The following ZFPM1 variants were observed in gnomAD, a reference collection of about 807,000 sequenced individuals.
ZFPM1 encodes zinc finger protein ZFPM1.
ZFPM1 carries 28 observed loss-of-function variants against 46.3 expected under a neutral mutation model. That is an observed-to-expected ratio of 0.60 (90% CI 0.45 to 0.83). The LOEUF (loss-of-function observed/expected upper bound fraction) is 0.83. Among genes scored for constraint, ZFPM1 ranks in the 40% least tolerant of loss-of-function variants. ZFPM1 has a pLI of 0.00. For missense variants in ZFPM1, 1,878 were observed against 1,432.4 expected (o/e 1.31, Z -5.02); for synonymous variants, 957 against 675.9 (o/e 1.42, Z -6.45).
At chr16:88,490,655 C>G (rs1030808555) in intron 3 of ZFPM1, among the ~76,000 whole-genome samples, 5 of 152,186 alleles carry the variant, frequency 3.3e-5, no homozygotes, top group African/African-American at 1.2e-4. Context: ...GCTGCCCCTT[C>G]CCACAACAGG....
chr16:88,481,257 C>G (rs1908922937), intron 1 of ZFPM1, among the ~76,000 whole-genome samples: 1 of 152,312 alleles, frequency 6.6e-6, no homozygotes, highest in East Asian at 1.9e-4. Flanking sequence ...CAGGTGCAGC[C>G]TTGGCCACTG....
chr16:88,456,140 C>T (rs1468202585), intron 1 of ZFPM1, among the ~76,000 whole-genome samples: 3 of 152,234 alleles, frequency 2.0e-5, no homozygotes, highest in Admixed American at 6.5e-5. Flanking sequence ...TCCCCAAACA[C>T]ACTTAATTGC....
At chr16:88,504,599 G>A (rs1597258254) in intron 3 of ZFPM1, among the ~76,000 whole-genome samples, 1 of 152,328 alleles carries the variant, frequency 6.6e-6, no homozygotes, top group African/African-American at 2.4e-5. Flanking sequence ...TGGAGAAAGA[G>A]CACCTCGCTG....
At chr16:88,532,972 G>A (rs751038582) in intron 9 of ZFPM1, 37 bp downstream of exon 9, 6 of 1,610,384 alleles carry the variant, frequency 3.7e-6, no homozygotes, top group Non-Finnish European at 4.2e-6. Context: ...TGCCCCTTAG[G>A]CCCCCTGAGC....
intron 1 of ZFPM1, among the ~76,000 whole-genome samples, chr16:88,464,855 G>A (rs1908061740): frequency 6.6e-6 from 1 of 152,106 alleles, no homozygotes; most frequent in South Asian, 2.1e-4. Flanking sequence ...CAGCTTCTCG[G>A]TGGCCAATAG....
In ZFPM1 at chr16:88,536,342, T is replaced by C. The variant is rs1197336433; in HGVS notation, c.*1363T>C. On this transcript the variant is annotated 3_prime_UTR_variant, in exon 10 of 10. Coordinates refer to ENST00000319555, the MANE Select transcript of ZFPM1 (RefSeq NM_153813.3). ...TTGACCCACCACACCTGGCTAACTT[T>C]TAAAACATTTTTATAGAGACAGGGT... 1 of 152,126 alleles carries C rather than the reference T, an allele frequency of 6.6e-6. No homozygotes were observed. Among genetic ancestry groups the C allele is most frequent in the Admixed American group, 6.5e-5 (1 of 15,274 alleles). The allele number at this position is 152,126 out of a possible 1,614,324, so 9.4% of individuals were successfully genotyped here. A position where few individuals can be genotyped will look rare whatever the true frequency, so the allele number is the denominator to read the frequency against.
At chr16:88,493,293 C>T (rs531617425) in intron 3 of ZFPM1, among the ~76,000 whole-genome samples, 16 of 139,926 alleles carry the variant, frequency 1.1e-4, no homozygotes, top group East Asian at 1.1e-3. Flanking sequence ...AGAGCTGTTC[C>T]GGGGTGGAGA....
chr16:88,530,196 G>C (rs547735922), intron 6 of ZFPM1, among the ~76,000 whole-genome samples: 1 of 152,312 alleles, frequency 6.6e-6, no homozygotes, highest in South Asian at 2.1e-4. Context: ...ACACCCCGCT[G>C]ATAACGCCAG....
intron 4 of ZFPM1, among the ~76,000 whole-genome samples, chr16:88,525,641 G>A (rs964443040): frequency 6.6e-6 from 1 of 152,246 alleles, no homozygotes; most frequent in African/African-American, 2.4e-5. Context: ...AGGGCACTGA[G>A]GCTGAGTCAG....
chr16:88,453,324 C>G lies in ZFPM1; in HGVS notation c.-315C>G, dbSNP rs185025884. ...CGCAGTGGCCGCCTGCTCCGCCGCT[C>G]GCCGCCCGCGGGTTCCATTGAGAAA... On this transcript the variant is annotated 5_prime_UTR_variant, in exon 1 of 10. Transcript: ENST00000319555. 0.49 allele frequency: 71,002 copies of G among 146,392 alleles called. 17,681 individuals are homozygous for G. Among genetic ancestry groups the G allele is most frequent in the African/African-American group, 0.58 (23,709 of 40,814 alleles). The allele number at this position is 146,392 out of a possible 1,614,324, so 9.1% of individuals were successfully genotyped here. A position where few individuals can be genotyped will look rare whatever the true frequency, so the allele number is the denominator to read the frequency against.
At chr16:88,456,689 G>C (rs541875743) in intron 1 of ZFPM1, among the ~76,000 whole-genome samples, 1 of 152,364 alleles carries the variant, frequency 6.6e-6, no homozygotes, top group Non-Finnish European at 1.5e-5. Context: ...GAGGCGCCTG[G>C]GGCTGGGGGG....
Position 88,533,308 on chromosome 16 carries a change from A to G in ZFPM1, c.1350A>G (p.Gly450=), listed in dbSNP as rs1265538320. ...GAGCGGAGCCTCTGGCCCAGAATGG[A>G]GGCAGCAGCGAGCCCCCGGCGGCCC... The part of the protein sequence containing the change: ...EARAEPLAQN[G]GSSEPPAAPR... Residue 450 remains glycine (G), a synonymous_variant, in exon 10 of 10, where the codon GGA becomes GGG. Transcript: ENST00000319555. The G allele has an allele frequency of 6.5e-7, 1 of 1,529,088 alleles. No homozygotes were observed. The highest frequency in any genetic ancestry group is 1.4e-5 in the African/African-American group (1 of 72,000). The allele number at this position is 1,529,088 out of a possible 1,614,324, so 94.7% of individuals were successfully genotyped here. A position where few individuals can be genotyped will look rare whatever the true frequency, so the allele number is the denominator to read the frequency against.
intron 2 of ZFPM1, among the ~76,000 whole-genome samples, chr16:88,486,897 C>T (rs1269918893): frequency 1.3e-5 from 2 of 152,136 alleles, no homozygotes; most frequent in African/African-American, 4.8e-5. Flanking sequence ...AGACACCACA[C>T]CCCATTCACA....
intron 1 of ZFPM1, among the ~76,000 whole-genome samples, chr16:88,460,947 G>A (rs553475493): frequency 2.4e-4 from 21 of 87,798 alleles, no homozygotes; most frequent in African/African-American, 1.2e-3. Flanking sequence ...GGTGATGACC[G>A]AGGGGCGGGG....
At chr16:88,505,798 G>A (rs773480308) in intron 3 of ZFPM1, among the ~76,000 whole-genome samples, 5 of 152,182 alleles carry the variant, frequency 3.3e-5, no homozygotes, top group Non-Finnish European at 7.4e-5. Flanking sequence ...GCGGGTGCTT[G>A]GAGGATGGGC....
intron 3 of ZFPM1, among the ~76,000 whole-genome samples, chr16:88,494,949 A>T (rs1307452945): frequency 6.6e-6 from 1 of 152,184 alleles, no homozygotes; most frequent in African/African-American, 2.4e-5. Context: ...CTTTGAAATG[A>T]CCTTGTTTGC....
At chr16:88,503,186 G>A (rs1910467258) in intron 3 of ZFPM1, among the ~76,000 whole-genome samples, 2 of 152,162 alleles carry the variant, frequency 1.3e-5, no homozygotes, top group African/African-American at 4.8e-5. Flanking sequence ...AGCTGTGTCT[G>A]GGGGGCCACG....
intron 1 of ZFPM1, 34 bp from the exon 2 acceptor site, chr16:88,485,905 C>G: frequency 6.2e-7 from 1 of 1,604,186 alleles, no homozygotes; most frequent in Non-Finnish European, 8.5e-7. Flanking sequence ...CCCCCCAGAG[C>G]TCCTCCCGAA....
At chr16:88,528,827 C>T (rs1912553544) in intron 6 of ZFPM1, among the ~76,000 whole-genome samples, 2 of 152,216 alleles carry the variant, frequency 1.3e-5, no homozygotes, top group Admixed American at 1.3e-4. Flanking sequence ...CCTCAGCCTC[C>T]TAAGTAGCTG....
Sources: allele counts gnomAD v4.1 joint callset (sites outside exome capture counted in the v4.1 genomes callset), GRCh38; gene constraint gnomAD v4.1.1; transcripts MANE v1.5; gene names NCBI Gene and HGNC (gene_info 2026-07-23, HGNC 2026-07-21).